Variants in PDCD1 observed in about 807,000 individuals in gnomAD.
PDCD1 encodes programmed cell death 1.
A neutral mutation model predicts 23.6 loss-of-function variants in PDCD1; 10 were observed. The observed-to-expected ratio is 0.42, with a 90% CI of 0.26 to 0.72. The LOEUF (loss-of-function observed/expected upper bound fraction) is 0.72. Among genes scored for constraint, PDCD1 ranks in the 30% least tolerant of loss-of-function variants. PDCD1 has a pLI of 0.24. For synonymous variants in PDCD1, 168 were observed against 169.3 expected (o/e 0.99, Z 0.06); for missense variants, 313 against 397.8 (o/e 0.79, Z 1.81).
At chr2:241,858,489 G>A (rs897614202) in intron 1 of PDCD1, among the ~76,000 whole-genome samples, 2 of 152,230 alleles carry the variant, frequency 1.3e-5, no homozygotes, top group African/African-American at 4.8e-5. Flanking sequence ...CAGGGGAGGA[G>A]TTGGGGCCCA....
rs1268841955 is a variant in PDCD1, at chr2:241,852,247, C to T, written c.543G>A (p.Leu181=). ...CGGCCAGGACCCAGACTAGCAGCAC[C>T]AGGCTGCCCAGCAGGCCGCCCACGA... ...VGVVGGLLGS[L]VLLVWVLAVI... Residue 181 remains leucine (L), a synonymous_variant, in exon 3 of 5, where the codon CTG becomes CTA. Coordinates refer to ENST00000334409, the MANE Select transcript of PDCD1 (RefSeq NM_005018.3). The T allele has an allele frequency of 6.2e-7, 1 of 1,611,130 alleles. No individual in the cohort carries two copies. The highest frequency in any genetic ancestry group is 8.5e-7 in the Non-Finnish European group (1 of 1,179,494).
chr2:241,851,695 G>T (rs559551407), intron 4 of PDCD1, among the ~76,000 whole-genome samples: 1 of 149,790 alleles, frequency 6.7e-6, no homozygotes, highest in Non-Finnish European at 1.5e-5. Context: ...GCGGGCACAC[G>T]CGTGGGCCAG....
chr2:241,858,258 G>A lies in PDCD1; in HGVS notation c.76+505C>T, dbSNP rs528465927. Among the ~76,000 whole-genome samples, 11 of 152,362 alleles carry A rather than the reference G, an allele frequency of 7.2e-5. No homozygotes were observed. The South Asian group carries it at 1.7e-3, about 23-fold the overall frequency. On this transcript the variant is annotated intron_variant, in intron 1 of 4. Transcript: ENST00000334409. ...CTCATCTAAACTTTGACGTCGTAAA[G>A]CCAAGGTTAGTCCCACATGGGGCTC... is the stretch of plus-strand genomic sequence containing the variant.
intron 1 of PDCD1, among the ~76,000 whole-genome samples, chr2:241,858,537 C>G (rs1470564307): frequency 7.2e-6 from 1 of 139,116 alleles, no homozygotes; most frequent in African/African-American, 2.6e-5. Flanking sequence ...CAAAGCCACA[C>G]AGCTCAGGGT....
chr2:241,858,701 T>G lies in PDCD1; in HGVS notation c.76+62A>C, dbSNP rs544851805. 4.4e-5 allele frequency: 62 copies of G among 1,405,456 alleles called. No homozygotes were observed. The East Asian group carries it at 1.0e-3, about 24-fold the overall frequency. 87.1% of individuals were successfully genotyped at this position (1,405,456 alleles called of 1,614,324 possible). A position where few individuals can be genotyped will look rare whatever the true frequency, so the allele number is the denominator to read the frequency against. ...CAGCACCCCCCGACCTGCCAGGGAC[T>G]GAGGGTGGAAGGTCCCTCCAGACCC... On this transcript the variant is annotated intron_variant, in intron 1 of 4. Coordinates refer to ENST00000334409, the MANE Select transcript of PDCD1 (RefSeq NM_005018.3).
In PDCD1 at chr2:241,850,379, G is replaced by T; in HGVS notation, c.*679C>A. Reference sequence around the variant, plus strand: ...GAAAGGCCTCCAGCTCTGCCTGCCCGCTTACTGCCTCAGCTTCCCTGCCCC... The same window carrying T: ...GAAAGGCCTCCAGCTCTGCCTGCCCTCTTACTGCCTCAGCTTCCCTGCCCC... On this transcript the variant is annotated 3_prime_UTR_variant, in exon 5 of 5. Transcript: ENST00000334409. 1 of 237,340 alleles carries T rather than the reference G, an allele frequency of 4.2e-6. No individual in the cohort carries two copies. Among genetic ancestry groups the T allele is most frequent in the East Asian group, 6.0e-5 (1 of 16,656 alleles). The allele number at this position is 237,340 out of a possible 1,614,324, so 14.7% of individuals were successfully genotyped here. A position where few individuals can be genotyped will look rare whatever the true frequency, so the allele number is the denominator to read the frequency against.
chr2:241,858,304 C>T (rs1226360818), intron 1 of PDCD1, among the ~76,000 whole-genome samples: 3 of 152,248 alleles, frequency 2.0e-5, no homozygotes, highest in Admixed American at 6.5e-5. Flanking sequence ...TAGGAAAACT[C>T]GAGTGAGGAC....
intron 1 of PDCD1, among the ~76,000 whole-genome samples, chr2:241,858,284 A>G (rs767983523): frequency 2.6e-5 from 4 of 152,246 alleles, no homozygotes; most frequent in Non-Finnish European, 5.9e-5. Context: ...CATGGGGCTC[A>G]TCCCATCCTT....
rs533395656 is a variant in PDCD1, at chr2:241,852,768, C to T, written c.289G>A (p.Val97Ile). ...TCACGCCCGTTGGGCAGTTGTGTGA[C>T]ACGGAAGCGGCAGTCCTGGCCGGGC... Reference protein sequence around the residue: ...SQPGQDCRFRVTQLPNGRDFH... With the variant: ...SQPGQDCRFRITQLPNGRDFH... Residue 97 changes from valine to isoleucine, a missense_variant, in exon 2 of 5, where the codon GTC becomes ATC. Around this residue, in one of 3 missense-constraint regions of PDCD1, gnomAD observed 135 missense variants for 166.9 expected, o/e 0.81. Coordinates refer to ENST00000334409, the MANE Select transcript of PDCD1 (RefSeq NM_005018.3). 1.9e-6 allele frequency: 3 copies of T among 1,613,904 alleles called. No individual in the cohort carries two copies. The highest frequency in any genetic ancestry group is 1.7e-6 in the Non-Finnish European group (2 of 1,180,042).
chr2:241,850,061 GC>G lies in PDCD1; in HGVS notation c.*996del. On this transcript the variant is annotated 3_prime_UTR_variant, in exon 5 of 5. Transcript: ENST00000334409. ...GGATAGGCCACGGCGGGGGTACTAGGCCCCGGGGGAACGCCTGTACCTTCCC... is the reference window on the plus strand; with the variant it reads ...GGATAGGCCACGGCGGGGGTACTAGGCCCGGGGGAACGCCTGTACCTTCCC... 4.4e-6 allele frequency: 1 copy of G among 229,084 alleles called. No individual in the cohort carries two copies. The highest frequency in any genetic ancestry group is 8.7e-6 in the Non-Finnish European group (1 of 115,404). 14.2% of individuals were successfully genotyped at this position (229,084 alleles called of 1,614,324 possible).
intron 1 of PDCD1, among the ~76,000 whole-genome samples, chr2:241,855,986 T>A (rs1701016569): frequency 6.6e-6 from 1 of 152,008 alleles, no homozygotes; most frequent in Non-Finnish European, 1.5e-5. Flanking sequence ...TGGGACTAGG[T>A]AAGATGAGGG....
rs1700878472 is a variant in PDCD1, at chr2:241,850,553, G to A, written c.*505C>T. On this transcript the variant is annotated 3_prime_UTR_variant, in exon 5 of 5. Transcript: ENST00000334409. ...ACTCCTGGGGAGTCCCCAGCCCCAT[G>A]TACCTCCCACTCCTGTGCCCAGTCT... The A allele has an allele frequency of 2.7e-6, 1 of 374,998 alleles. No homozygotes were observed. The highest frequency in any genetic ancestry group is 5.1e-6 in the Non-Finnish European group (1 of 196,774). 23.2% of individuals were successfully genotyped at this position (374,998 alleles called of 1,614,324 possible). A position where few individuals can be genotyped will look rare whatever the true frequency, so the allele number is the denominator to read the frequency against.
At chr2:241,852,467 C>T (rs1700923526) in intron 2 of PDCD1, 114 bp from the exon 3 acceptor site, 2 of 1,152,154 alleles carry the variant, frequency 1.7e-6, no homozygotes, top group African/African-American at 3.1e-5. Context: ...GACAGAGATG[C>T]CGGTCACCAT....
intron 4 of PDCD1, among the ~76,000 whole-genome samples, chr2:241,851,562 A>G (rs972169537): frequency 6.6e-6 from 1 of 152,228 alleles, no homozygotes; most frequent in African/African-American, 2.4e-5. Flanking sequence ...CCTGTCTCCA[A>G]TGTAAGATAA....
intron 1 of PDCD1, among the ~76,000 whole-genome samples, chr2:241,857,217 G>T (rs1013335079): frequency 6.6e-6 from 1 of 152,212 alleles, no homozygotes; most frequent in African/African-American, 2.4e-5. Flanking sequence ...CACTGCGGCC[G>T]GGGTGGCCAC....
At chr2:241,852,503 G>A (rs1355694042) in intron 2 of PDCD1, 118 bp downstream of exon 2, 3 of 1,306,332 alleles carry the variant, frequency 2.3e-6, no homozygotes, top group Non-Finnish European at 3.1e-6. Flanking sequence ...CAGAGCCCTG[G>A]ACTGGAGCTG....
rs1289737948 is a variant in PDCD1, at chr2:241,851,982, C to G, written c.594G>C (p.Gly198=). 1 of 1,613,246 alleles carries G rather than the reference C, an allele frequency of 6.2e-7. No individual in the cohort carries two copies. Among genetic ancestry groups the G allele is most frequent in the African/African-American group, 1.3e-5 (1 of 74,872 alleles). ...GGCCGGTGCGCCTGGCTCCTATTGT[C>G]CCTGCAGAGAAACACACTTGGGGTC... The part of the protein sequence containing the change: ...LAVICSRAAR[G]TIGARRTGQP... Residue 198 remains glycine, a splice_region_variant and synonymous_variant, in exon 4 of 5, where the codon GGG becomes GGC. Coordinates refer to ENST00000334409, the MANE Select transcript of PDCD1 (RefSeq NM_005018.3).
chr2:241,852,634 C>T lies in PDCD1; in HGVS notation c.423G>A (p.Glu141=). The change falls in exon 2 of 5, where the codon GAG becomes GAA. Residue 141 remains glutamate, a synonymous_variant. Transcript: ENST00000334409. ...CCGAGGCCGCACCTGTCACCCTGAGCTCTGCCCGCAGGCTCTCTTTGATCT... is the reference window on the plus strand; with the variant it reads ...CCGAGGCCGCACCTGTCACCCTGAGTTCTGCCCGCAGGCTCTCTTTGATCT... ...KAQIKESLRA[E]LRVTERRAEV... 6.2e-7 allele frequency: 1 copy of T among 1,611,694 alleles called. No homozygotes were observed. Among genetic ancestry groups the T allele is most frequent in the Non-Finnish European group, 8.5e-7 (1 of 1,179,452 alleles).
In PDCD1 at chr2:241,852,743, T is replaced by C. The variant is rs368009835; in HGVS notation, c.314A>G (p.Asp105Gly). The change falls in exon 2 of 5, where the codon GAC (aspartate) becomes GGC (glycine). Residue 105 changes from aspartate (D) to glycine (G), a missense_variant. Asp to Gly is a moderately conservative substitution (Grantham distance 94). This residue lies in a region of PDCD1 where 135 missense variants were observed against 166.9 expected (regional missense o/e 0.81). Transcript: ENST00000334409. The part of the protein sequence containing the change: ...FRVTQLPNGR[D>G]FHMSVVRARR... ...GGCCCTGACCACGCTCATGTGGAAG[T>C]CACGCCCGTTGGGCAGTTGTGTGAC... The C allele has an allele frequency of 6.8e-6, 11 of 1,613,842 alleles. No individual in the cohort carries two copies. The highest frequency in any genetic ancestry group is 9.3e-6 in the Non-Finnish European group (11 of 1,180,002).
Sources: allele counts gnomAD v4.1 joint callset (sites outside exome capture counted in the v4.1 genomes callset), GRCh38; gene constraint gnomAD v4.1.1; regional missense constraint gnomAD v4.1.1; transcripts MANE v1.5; gene names NCBI Gene and HGNC (gene_info 2026-07-23, HGNC 2026-07-21).